KCNQ5: variants seen among roughly 807,000 people sequenced by gnomAD.
The protein encoded by KCNQ5 is potassium voltage-gated channel subfamily KQT member 5.
A neutral mutation model predicts 98.2 loss-of-function variants in KCNQ5; 30 were observed. The ratio of observed to expected loss-of-function variants is 0.31; its 90% CI spans 0.23 to 0.41. The LOEUF is 0.41. Ranked by LOEUF, KCNQ5 falls within the 10% of genes least tolerant of loss-of-function variation. The pLI is 1.00. For synonymous variants in KCNQ5, 458 were observed against 449.4 expected, an observed-to-expected ratio of 1.02 and a Z score of -0.24; for missense variants, 835 against 1,182.5, an observed-to-expected ratio of 0.71 and a Z score of 4.31.
intron 3 of KCNQ5, among the ~76,000 whole-genome samples, chr6:73,075,379 C>T (rs1773489173): frequency 6.6e-6 from 1 of 152,026 alleles, no homozygotes; most frequent in Admixed American, 6.6e-5. Context: ...CGTGCCACCA[C>T]ACCCAGCTAA....
At chr6:72,986,565 A>C (rs534902231) in intron 1 of KCNQ5, 2 of 589,198 alleles carry the variant, frequency 3.4e-6, no homozygotes, top group Non-Finnish European at 3.1e-6. Context: ...GAAAACAAGT[A>C]AAAGAAGGGT....
At chr6:72,781,603 G>T (rs537798491) in intron 1 of KCNQ5, among the ~76,000 whole-genome samples, 17 of 151,988 alleles carry the variant, frequency 1.1e-4, no homozygotes, top group Middle Eastern at 3.4e-3. Context: ...GATTCCCTGG[G>T]GCAAATCTTG....
chr6:73,003,855 C>T, intron 1 of KCNQ5, 53 bp from the exon 2 acceptor site: 1 of 1,178,488 alleles, frequency 8.5e-7, no homozygotes, highest in South Asian at 1.3e-5. Flanking sequence ...GAAATTAAGT[C>T]TGTGATAATA....
chr6:73,030,100 A>G (rs1771072712), intron 2 of KCNQ5, among the ~76,000 whole-genome samples: 1 of 152,126 alleles, frequency 6.6e-6, no homozygotes, highest in Non-Finnish European at 1.5e-5. Context: ...GACTGCATAT[A>G]TTAGATTTTT....
intron 3 of KCNQ5, among the ~76,000 whole-genome samples, chr6:73,062,268 G>A (rs1465230970): frequency 1.3e-5 from 2 of 152,140 alleles, no homozygotes; most frequent in African/African-American, 4.8e-5. Flanking sequence ...TGTGCTCCTT[G>A]TATTTCTTCT....
rs370559948 is a variant in KCNQ5 at position 72,661,544 on chromosome 6, C to A, written c.398+38957C>A. Among the ~76,000 whole-genome samples the A allele has an allele frequency of 2.6e-5, 4 of 152,158 alleles. No homozygotes were observed. In the East Asian group the frequency reaches 7.7e-4, roughly 29 times the overall value. On this transcript the variant is annotated intron_variant, in intron 1 of 13. Transcript: ENST00000370398. Reference sequence around the variant, plus strand: ...TTTCCCCATAGGAGTAAGTTTCTTACCATATGTTTTCCATTTATTCAGCCT... The same window carrying A: ...TTTCCCCATAGGAGTAAGTTTCTTAACATATGTTTTCCATTTATTCAGCCT...
At chr6:72,982,140 G>C (rs544652253) in intron 1 of KCNQ5, among the ~76,000 whole-genome samples, 1 of 152,308 alleles carries the variant, frequency 6.6e-6, no homozygotes, top group African/African-American at 2.4e-5. Flanking sequence ...TGTTGATTTG[G>C]GTTGGAAAGT....
chr6:73,077,992 C>A, intron 5 of KCNQ5, 105 bp downstream of exon 5: 2 of 911,716 alleles, frequency 2.2e-6, no homozygotes, highest in Non-Finnish European at 3.1e-6. Flanking sequence ...TATTAAATTG[C>A]GAAAGAGAGT....
chr6:73,034,963 A>G (rs1164096001), intron 2 of KCNQ5, among the ~76,000 whole-genome samples: 1 of 150,510 alleles, frequency 6.6e-6, no homozygotes, highest in Non-Finnish European at 1.5e-5. Context: ...CTCCTGCCTC[A>G]GCCTCCTGAG....
chr6:73,117,688 A>G (rs1775563497), intron 7 of KCNQ5, among the ~76,000 whole-genome samples: 1 of 152,190 alleles, frequency 6.6e-6, no homozygotes, highest in Non-Finnish European at 1.5e-5. Context: ...TATATGTGTG[A>G]CATCTTCTAT....
At chr6:73,108,090 A>G (rs2150422967) in intron 6 of KCNQ5, among the ~76,000 whole-genome samples, 1 of 152,286 alleles carries the variant, frequency 6.6e-6, no homozygotes, top group South Asian at 2.1e-4. Context: ...CCTGAGAACC[A>G]AGAAAGAAAA....
At chr6:73,043,757 G>A (rs2150359066) in intron 3 of KCNQ5, among the ~76,000 whole-genome samples, 1 of 152,264 alleles carries the variant, frequency 6.6e-6, no homozygotes, top group South Asian at 2.1e-4. Flanking sequence ...TCCAATTTCA[G>A]AAGCAATGCC....
intron 1 of KCNQ5, among the ~76,000 whole-genome samples, chr6:72,658,800 G>A (rs752513806): frequency 4.7e-5 from 7 of 149,410 alleles, no homozygotes; most frequent in African/African-American, 1.5e-4. Flanking sequence ...GGCTGATCTC[G>A]AACTCCTGAA....
intron 1 of KCNQ5, among the ~76,000 whole-genome samples, chr6:72,831,438 A>G (rs931861332): frequency 2.0e-5 from 3 of 152,184 alleles, no homozygotes; most frequent in Non-Finnish European, 2.9e-5. Flanking sequence ...GGGGAGCTGG[A>G]TGAAGCTGGA....
At chr6:73,079,718 G>A (rs1773689349) in intron 5 of KCNQ5, among the ~76,000 whole-genome samples, 1 of 152,118 alleles carries the variant, frequency 6.6e-6, no homozygotes, top group South Asian at 2.1e-4. Context: ...AAGCAATAAT[G>A]GGCATTTCGA....
intron 10 of KCNQ5, among the ~76,000 whole-genome samples, chr6:73,163,470 G>A (rs1249183346): frequency 1.3e-5 from 2 of 152,166 alleles, no homozygotes. Flanking sequence ...AAATAGGCCA[G>A]GCATGGTGGC....
At chr6:72,669,693 C>A (rs1031775346) in intron 1 of KCNQ5, among the ~76,000 whole-genome samples, 14 of 152,176 alleles carry the variant, frequency 9.2e-5, no homozygotes, top group African/African-American at 3.4e-4. Flanking sequence ...TCCTGTAGAA[C>A]CCAAGAAGTT....
chr6:73,193,212 G>T (rs1304325773), intron 13 of KCNQ5, among the ~76,000 whole-genome samples: 1 of 151,248 alleles, frequency 6.6e-6, no homozygotes, highest in Non-Finnish European at 1.5e-5. Flanking sequence ...GTAGAGACAG[G>T]TTTCACCATG....
chr6:72,741,138 G>A (rs1478768838), intron 1 of KCNQ5, among the ~76,000 whole-genome samples: 5 of 152,192 alleles, frequency 3.3e-5, no homozygotes, highest in Non-Finnish European at 7.3e-5. Flanking sequence ...GGGATGTTTA[G>A]AAAAGCTGAA....
Sources: allele counts gnomAD v4.1 joint callset (sites outside exome capture counted in the v4.1 genomes callset), GRCh38; gene constraint gnomAD v4.1.1; transcripts MANE v1.5; gene names NCBI Gene and HGNC (gene_info 2026-07-23, HGNC 2026-07-21).